ZNF438: variants seen among roughly 807,000 people sequenced by gnomAD.
The protein encoded by ZNF438 is zinc finger protein 438.
A neutral mutation model predicts 38.0 loss-of-function variants in ZNF438; 25 were observed. The ratio of observed to expected loss-of-function variants is 0.66; its 90% CI spans 0.48 to 0.92. The LOEUF is 0.92. Ranked by LOEUF, ZNF438 falls within the 40% of genes least tolerant of loss-of-function variation. ZNF438 has a pLI of 0.00. For synonymous variants in ZNF438, 372 were observed against 364.1 expected (o/e 1.02, Z -0.25); for missense variants, 1,007 against 999.6 (o/e 1.01, Z -0.10).
intron 1 of ZNF438, among the ~76,000 whole-genome samples, chr10:30,983,627 A>T (rs1398227368): frequency 6.6e-6 from 1 of 152,224 alleles, no homozygotes; most frequent in African/African-American, 2.4e-5. Context: ...AATGTTAAAA[A>T]AATAAAATTG....
At chr10:30,974,658 C>G (rs2051135001) in intron 1 of ZNF438, among the ~76,000 whole-genome samples, 1 of 152,128 alleles carries the variant, frequency 6.6e-6, no homozygotes, top group Non-Finnish European at 1.5e-5. Flanking sequence ...TCCTCCTGTT[C>G]AAAGCAGTAA....
chr10:30,934,790 G>A (rs1329873746), intron 2 of ZNF438, among the ~76,000 whole-genome samples: 7 of 152,122 alleles, frequency 4.6e-5, no homozygotes, highest in Admixed American at 4.6e-4. Context: ...AGACCTATTT[G>A]CTATGGTATA....
intron 1 of ZNF438, among the ~76,000 whole-genome samples, chr10:30,997,280 C>T (rs1038277552): frequency 6.6e-6 from 1 of 152,008 alleles, no homozygotes; most frequent in African/African-American, 2.4e-5. Context: ...GTGGTTATTG[C>T]TGTTGATAGA....
At chr10:31,007,463 G>A (rs966899334) in intron 1 of ZNF438, among the ~76,000 whole-genome samples, 1 of 151,944 alleles carries the variant, frequency 6.6e-6, no homozygotes, top group African/African-American at 2.4e-5. Context: ...TGTATTTTTA[G>A]TTGAGACAGG....
intron 1 of ZNF438, among the ~76,000 whole-genome samples, chr10:30,956,171 C>T (rs963727321): frequency 2.0e-5 from 3 of 152,010 alleles, no homozygotes; most frequent in Non-Finnish European, 4.4e-5. Flanking sequence ...AGTGGGATTA[C>T]AAATAGAAAA....
At chr10:30,979,171 C>T (rs557887813) in intron 1 of ZNF438, among the ~76,000 whole-genome samples, 1 of 152,280 alleles carries the variant, frequency 6.6e-6, no homozygotes, top group South Asian at 2.1e-4. Context: ...TGAAAATGCA[C>T]CTAGTCACCC....
intron 1 of ZNF438, among the ~76,000 whole-genome samples, chr10:30,988,309 T>A (rs2053079024): frequency 6.6e-6 from 1 of 152,002 alleles, no homozygotes; most frequent in South Asian, 2.1e-4. Flanking sequence ...TTGAAAAAAA[T>A]CAATAATTTC....
chr10:30,961,531 T>A (rs2136039066), intron 1 of ZNF438, among the ~76,000 whole-genome samples: 1 of 146,254 alleles, frequency 6.8e-6, no homozygotes, highest in African/African-American at 2.4e-5. Flanking sequence ...TTTTATTTTT[T>A]TTAAACAAAA....
At chr10:30,947,690 A>G (rs2047595913) in intron 1 of ZNF438, among the ~76,000 whole-genome samples, 1 of 152,240 alleles carries the variant, frequency 6.6e-6, no homozygotes, top group Non-Finnish European at 1.5e-5. Context: ...CCGTGGGTGT[A>G]GGACCCTCCG....
chr10:30,992,092 A>G (rs890017703), intron 1 of ZNF438, among the ~76,000 whole-genome samples: 9 of 152,184 alleles, frequency 5.9e-5, no homozygotes, highest in African/African-American at 1.7e-4. Context: ...GGGGCAAAAC[A>G]AACTTCTTGC....
rs557959700 is a variant in ZNF438, at chr10:30,959,702, C to T, written c.-191-18051G>A. On this transcript the variant is annotated intron_variant, in intron 1 of 5. Transcript: ENST00000413025. ...GGCGGAGCTTGTAATGAGCCGAGAT[C>T]GCACCACTGCACTCCAGCCTGGGTG... Among the ~76,000 whole-genome samples, 4 of 146,130 alleles carry T rather than the reference C, an allele frequency of 2.7e-5. No homozygotes were observed. The South Asian group carries it at 8.8e-4, about 32-fold the overall frequency.
intron 1 of ZNF438, among the ~76,000 whole-genome samples, chr10:31,004,269 C>A (rs902430561): frequency 1.1e-4 from 16 of 152,088 alleles, no homozygotes; most frequent in Admixed American, 2.6e-4. Context: ...AAACTCTGGG[C>A]TAGAGATAAT....
chr10:30,882,782 T>C (rs557180301), intron 3 of ZNF438, among the ~76,000 whole-genome samples: 1 of 152,306 alleles, frequency 6.6e-6, no homozygotes, highest in South Asian at 2.1e-4. Context: ...TTGATTATGA[T>C]TAAGGTTCCA....
intron 1 of ZNF438, among the ~76,000 whole-genome samples, chr10:30,980,769 T>A (rs559983772): frequency 6.6e-6 from 1 of 152,268 alleles, no homozygotes; most frequent in Admixed American, 6.5e-5. Context: ...CCCTGAGAAA[T>A]GTCAACTTTT....
At chr10:30,863,074 C>T (rs2035853266) in intron 4 of ZNF438, among the ~76,000 whole-genome samples, 1 of 152,104 alleles carries the variant, frequency 6.6e-6, no homozygotes, top group Non-Finnish European at 1.5e-5. Flanking sequence ...TTCTATACCT[C>T]AGCTTTTATG....
chr10:31,022,450 A>G (rs2056664480), intron 1 of ZNF438, among the ~76,000 whole-genome samples: 1 of 152,068 alleles, frequency 6.6e-6, no homozygotes, highest in South Asian at 2.1e-4. Flanking sequence ...TAGTAGAGAC[A>G]GGGTTTCGCA....
intron 1 of ZNF438, among the ~76,000 whole-genome samples, chr10:30,951,719 A>T (rs1412153054): frequency 6.6e-6 from 1 of 151,274 alleles, no homozygotes; most frequent in Non-Finnish European, 1.5e-5. Context: ...TTCAAGGATA[A>T]CTATAAACCA....
intron 1 of ZNF438, among the ~76,000 whole-genome samples, chr10:31,019,834 T>C (rs932949564): frequency 2.0e-5 from 3 of 152,238 alleles, no homozygotes; most frequent in Non-Finnish European, 4.4e-5. Flanking sequence ...GGTATCTGTA[T>C]TTTTATTTGC....
rs143779839 is a variant in ZNF438 at position 30,866,075 on chromosome 10, G to A, written c.37+10923C>T. Among the ~76,000 whole-genome samples the A allele has an allele frequency of 2.4e-3, 358 of 152,252 alleles. 1 individual carries two copies. The highest frequency in any genetic ancestry group is 8.1e-3 in the African/African-American group (335 of 41,534). On this transcript the variant is annotated intron_variant, in intron 4 of 5. Transcript: ENST00000413025. ...TGTTCAAGCAGTCATATTCTTCACT[G>A]TGGTACTCTCACAGTGGAACAACAA...
Sources: allele counts gnomAD v4.1 joint callset (sites outside exome capture counted in the v4.1 genomes callset), GRCh38; gene constraint gnomAD v4.1.1; transcripts MANE v1.5; gene names NCBI Gene and HGNC (gene_info 2026-07-23, HGNC 2026-07-21).